Variants in WDPCP observed in about 807,000 individuals in gnomAD.
WDPCP encodes WD repeat containing planar cell polarity effector, also known as WD repeat-containing and planar cell polarity effector protein fritz homolog.
In WDPCP, 71 loss-of-function variants were observed where a neutral mutation model predicts 93.1. The observed-to-expected ratio is 0.76, with a 90% confidence interval of 0.63 to 0.93. The LOEUF is 0.93. Ranked by LOEUF, WDPCP falls within the 40% of genes least tolerant of loss-of-function variation. WDPCP has a pLI of 0.00. For missense variants in WDPCP, 844 were observed against 887.4 expected (o/e 0.95, Z 0.62); for synonymous variants, 315 against 315.0 (o/e 1.00, Z 0.00).
At chr2:63,317,700 C>T (rs1229691350) in intron 12 of WDPCP, among the ~76,000 whole-genome samples, 1 of 152,120 alleles carries the variant, frequency 6.6e-6, no homozygotes, top group Non-Finnish European at 1.5e-5. Context: ...GCTGGAGTAA[C>T]TGGATAGTCG....
intron 13 of WDPCP, among the ~76,000 whole-genome samples, chr2:63,270,381 A>G (rs1303677008): frequency 6.6e-6 from 1 of 152,048 alleles, no homozygotes; most frequent in Non-Finnish European, 1.5e-5. Context: ...ATTTTTGATT[A>G]CTGTTTGAAT....
At chr2:63,124,146 G>C (rs1669737172) in intron 17 of WDPCP, among the ~76,000 whole-genome samples, 1 of 149,200 alleles carries the variant, frequency 6.7e-6, no homozygotes, top group African/African-American at 2.5e-5. Flanking sequence ...TAGAACTGTA[G>C]AAATAGAATT....
intron 1 of WDPCP, among the ~76,000 whole-genome samples, chr2:63,581,994 T>TAAA (rs748625052): frequency 7.5e-6 from 1 of 133,948 alleles, no homozygotes; most frequent in Non-Finnish European, 1.6e-5. Context: ...AACCCTATCT[T>TAAA]AAAAAAAAAA....
chr2:63,581,323 A>G (rs1416682099), intron 1 of WDPCP, among the ~76,000 whole-genome samples: 4 of 152,198 alleles, frequency 2.6e-5, no homozygotes, highest in Non-Finnish European at 5.9e-5. Flanking sequence ...AGGGAGAATC[A>G]TACAGAGAGA....
At chr2:63,212,177 A>G (rs1056331817) in intron 14 of WDPCP, among the ~76,000 whole-genome samples, 1 of 152,186 alleles carries the variant, frequency 6.6e-6, no homozygotes, top group Non-Finnish European at 1.5e-5. Flanking sequence ...AGATTCACCG[A>G]AGTTGAAATG....
At chr2:63,371,768 G>A (rs898888609) in intron 12 of WDPCP, among the ~76,000 whole-genome samples, 8 of 152,084 alleles carry the variant, frequency 5.3e-5, no homozygotes, top group African/African-American at 1.9e-4. Context: ...ATGAATGAGG[G>A]AGAACAAGAG....
chr2:63,810,841 A>C (rs769673596), intron 2 of WDPCP, among the ~76,000 whole-genome samples: 11 of 152,206 alleles, frequency 7.2e-5, no homozygotes, highest in Non-Finnish European at 1.3e-4. Flanking sequence ...ATATGGACTA[A>C]ATTTGTTGTG....
chr2:63,527,678 A>T (rs960229845), intron 1 of WDPCP, among the ~76,000 whole-genome samples: 1 of 152,116 alleles, frequency 6.6e-6, no homozygotes, highest in Middle Eastern at 3.2e-3. Context: ...CGCAGTAAAC[A>T]TACGTGTGCA....
chr2:63,367,820 T>A (rs1691035860), intron 12 of WDPCP, among the ~76,000 whole-genome samples: 1 of 152,196 alleles, frequency 6.6e-6, no homozygotes, highest in African/African-American at 2.4e-5. Flanking sequence ...TTAAACAATT[T>A]TTATTTATTA....
At chr2:63,240,017 T>C (rs1679739401) in intron 14 of WDPCP, among the ~76,000 whole-genome samples, 1 of 152,150 alleles carries the variant, frequency 6.6e-6, no homozygotes, top group Admixed American at 6.6e-5. Flanking sequence ...TTGTCATATC[T>C]AATCACATGC....
At chr2:63,774,789 A>G (rs1006499793) in intron 2 of WDPCP, among the ~76,000 whole-genome samples, 11 of 152,092 alleles carry the variant, frequency 7.2e-5, no homozygotes, top group South Asian at 2.1e-4. Flanking sequence ...TTCCACTACA[A>G]TGGTCTCAGA....
intron 2 of WDPCP, among the ~76,000 whole-genome samples, chr2:63,786,540 T>G (rs1575772831): frequency 6.6e-6 from 1 of 152,290 alleles, no homozygotes; most frequent in Admixed American, 6.5e-5. Flanking sequence ...GCACAGCCTC[T>G]CACTAAATTC....
At chr2:63,367,073 T>G (rs1300289139) in intron 12 of WDPCP, among the ~76,000 whole-genome samples, 1 of 151,104 alleles carries the variant, frequency 6.6e-6, no homozygotes, top group South Asian at 2.1e-4. Context: ...CATTTATATA[T>G]ATGAAATATA....
chr2:63,434,747 A>G (rs888554332), intron 8 of WDPCP, among the ~76,000 whole-genome samples: 3 of 152,118 alleles, frequency 2.0e-5, no homozygotes, highest in African/African-American at 7.2e-5. Context: ...ACCAGACACT[A>G]GCAAAGGGCA....
chr2:63,367,098 G>C (rs1309471708), intron 12 of WDPCP, among the ~76,000 whole-genome samples: 1 of 150,382 alleles, frequency 6.6e-6, no homozygotes, highest in Non-Finnish European at 1.5e-5. Flanking sequence ...ATCATCATTT[G>C]TAAAAAAAAA....
intron 14 of WDPCP, chr2:63,232,626 G>C (rs1201463700): frequency 6.5e-6 from 1 of 153,010 alleles, no homozygotes. Context: ...TTCTGCATAA[G>C]TGCATGAGAT....
intron 2 of WDPCP, among the ~76,000 whole-genome samples, chr2:63,700,305 A>AG: frequency 1.1e-5 from 1 of 92,016 alleles, no homozygotes; most frequent in South Asian, 3.1e-4. Context: ...AAAAAAAAAC[A>AG]AAAAGAAAAA....
intron 13 of WDPCP, among the ~76,000 whole-genome samples, chr2:63,268,969 T>C (rs980438083): frequency 2.6e-5 from 4 of 152,016 alleles, no homozygotes; most frequent in African/African-American, 4.8e-5. Context: ...CAATTAAAAA[T>C]ATAAAAGAAT....
At chr2:63,576,425 A>G (rs1182470513) in intron 1 of WDPCP, among the ~76,000 whole-genome samples, 3 of 152,236 alleles carry the variant, frequency 2.0e-5, no homozygotes, top group African/African-American at 7.2e-5. Context: ...TACAAAGGAT[A>G]CAGATGAACA....
Sources: gnomAD v4.1 joint callset for allele counts (sites outside exome capture counted in the v4.1 genomes callset) on GRCh38, gnomAD v4.1.1 for gene constraint, MANE v1.5 for transcripts, NCBI Gene and HGNC (gene_info 2026-07-23, HGNC 2026-07-21) for gene names.